Variants in UBA6 observed in about 807,000 individuals in gnomAD.
The protein encoded by UBA6 is ubiquitin like modifier activating enzyme 6, also known as ubiquitin-like modifier-activating enzyme 6.
UBA6 carries 87 observed loss-of-function variants against 148.3 expected under a neutral mutation model. The ratio of observed to expected loss-of-function variants is 0.59; its 90% CI spans 0.49 to 0.70. The LOEUF is 0.70. Ranked by LOEUF, UBA6 falls within the 30% of genes least tolerant of loss-of-function variation. The pLI is 0.00. For synonymous variants in UBA6, 376 were observed against 401.0 expected (o/e 0.94, Z 0.75); for missense variants, 1,186 against 1,241.2 (o/e 0.96, Z 0.67).
intron 13 of UBA6, among the ~76,000 whole-genome samples, chr4:67,657,579 G>C (rs1023815167): frequency 6.6e-6 from 1 of 152,108 alleles, no homozygotes; most frequent in African/African-American, 2.4e-5. Flanking sequence ...AACCCTAGAA[G>C]AAAACCTAGG....
chr4:67,648,576 A>G (rs1219221889), intron 14 of UBA6, among the ~76,000 whole-genome samples: 1 of 152,090 alleles, frequency 6.6e-6, no homozygotes, highest in East Asian at 1.9e-4. Context: ...CCTTGTGCCA[A>G]TTATTTCTGC....
Position 67,670,474 on chromosome 4 carries a change from G to A in UBA6, c.665C>T (p.Thr222Met), listed in dbSNP as rs778733309. 14 of 1,567,356 alleles carry A rather than the reference G, an allele frequency of 8.9e-6. No individual in the cohort carries two copies. Among genetic ancestry groups the A allele is most frequent in the Non-Finnish European group, 9.6e-6 (11 of 1,140,810 alleles). The change falls in exon 8 of 33, where the codon ACG becomes ATG. Residue 222 changes from threonine (T) to methionine (M), a missense_variant. Coordinates refer to ENST00000322244, the MANE Select transcript of UBA6 (RefSeq NM_018227.6). ...AGTTCATTAATATAATCATACTTGC[G>A]TTATGTTTGAAATGAAAATTTCTTT... ...EPKEIFISNI[T>M]QANPGIVTCL...
At position 67,631,885 on chromosome 4, in the gene UBA6, G is replaced by C. The variant is rs1239038604; in HGVS notation, c.2166C>G (p.Phe722Leu). ...NHKALQLLHCFPLDIRLKDGS... is the reference protein window; with the variant it reads ...NHKALQLLHCLPLDIRLKDGS... ...CATCTTTTAATCGTATGTCCAGAGG[G>C]AAACAGTGAAGAAGCTGAAGAGCCT... The change falls in exon 24 of 33, where the codon TTC becomes TTG. Residue 722 changes from phenylalanine to leucine, a missense_variant. Coordinates refer to ENST00000322244, the MANE Select transcript of UBA6 (RefSeq NM_018227.6). The C allele has an allele frequency of 6.2e-7, 1 of 1,611,012 alleles. No homozygotes were observed. Among genetic ancestry groups the C allele is most frequent in the Admixed American group, 1.7e-5 (1 of 59,780 alleles).
rs77331359 is a variant in UBA6 at position 67,658,572 on chromosome 4, A to G, written c.1104+3617T>C. Reference sequence around the variant, plus strand: ...TGGAGGGTGGGAAGAGGGGGCGGAAATGACTAACAGGTACTAGGCTTAATA... The same window carrying G: ...TGGAGGGTGGGAAGAGGGGGCGGAAGTGACTAACAGGTACTAGGCTTAATA... On this transcript the variant is annotated intron_variant, in intron 13 of 32. Transcript: ENST00000322244. 3.3e-5 allele frequency among the ~76,000 whole-genome samples: 5 copies of G among 152,304 alleles called. No individual in the cohort carries two copies. In the East Asian group the frequency reaches 9.7e-4, roughly 29 times the overall value.
intron 28 of UBA6, 39 bp from the exon 29 acceptor site, chr4:67,625,226 G>A (rs1028598482): frequency 1.0e-5 from 15 of 1,498,578 alleles, no homozygotes; most frequent in Non-Finnish European, 1.3e-5. Context: ...TCCACAGCAA[G>A]CAGTAAAGAT....
At chr4:67,668,703 G>C in intron 8 of UBA6, 29 bp from the exon 9 acceptor site, 1 of 1,586,440 alleles carries the variant, frequency 6.3e-7, no homozygotes, top group Non-Finnish European at 8.6e-7. Flanking sequence ...TATTAAAAAA[G>C]AACTTCTTTT....
chr4:67,688,346 G>C (rs1484894855), intron 2 of UBA6, among the ~76,000 whole-genome samples: 1 of 152,084 alleles, frequency 6.6e-6, no homozygotes, highest in African/African-American at 2.4e-5. Flanking sequence ...GTGATCAGCA[G>C]ACTCACGCAC....
intron 7 of UBA6, among the ~76,000 whole-genome samples, chr4:67,671,451 T>TTA (rs1270215523): frequency 6.6e-6 from 1 of 151,844 alleles, no homozygotes; most frequent in Non-Finnish European, 1.5e-5. Context: ...TTTTTTTTTT[T>TTA]ACAAGACATA....
intron 11 of UBA6, 124 bp from the exon 12 acceptor site, chr4:67,663,339 TAACTC>T: frequency 1.7e-6 from 1 of 583,534 alleles, no homozygotes; most frequent in Non-Finnish European, 3.0e-6. Context: ...ATACTGTTAT[TAACTC>T]TATTTAACAA....
intron 22 of UBA6, 117 bp downstream of exon 22, chr4:67,634,125 A>AT: frequency 1.5e-6 from 1 of 656,124 alleles, no homozygotes; most frequent in East Asian, 3.0e-5. Context: ...GTATCATTTC[A>AT]TTTTTTATAT....
chr4:67,648,467 CAA>C (rs575104020), intron 14 of UBA6, among the ~76,000 whole-genome samples: 7 of 104,340 alleles, frequency 6.7e-5, no homozygotes, highest in Admixed American at 3.2e-4. Flanking sequence ...GACTCTGTCT[CAA>C]AAAAAAAAAA....
chr4:67,620,570 A>G (rs1460149238), intron 32 of UBA6, among the ~76,000 whole-genome samples: 3 of 152,198 alleles, frequency 2.0e-5, no homozygotes, highest in East Asian at 1.9e-4. Flanking sequence ...TCAAGGACAA[A>G]TAAGTAGGCC....
chr4:67,624,352 T>A, intron 29 of UBA6, 99 bp from the exon 30 acceptor site: 1 of 1,171,504 alleles, frequency 8.5e-7, no homozygotes, highest in Non-Finnish European at 1.2e-6. Context: ...CATTTCTCTG[T>A]GGATAGTAAA....
intron 7 of UBA6, among the ~76,000 whole-genome samples, chr4:67,672,048 CAA>C (rs759159509): frequency 1.3e-5 from 2 of 152,026 alleles, no homozygotes; most frequent in Non-Finnish European, 2.9e-5. Flanking sequence ...TCTCTCTTCC[CAA>C]CTCTTTTGTC....
intron 2 of UBA6, among the ~76,000 whole-genome samples, chr4:67,683,572 ATTTT>A (rs59333307): frequency 6.9e-6 from 1 of 145,046 alleles, no homozygotes. Flanking sequence ...TTTTTTTGCA[ATTTT>A]TTTTTTTTTT....
intron 2 of UBA6, among the ~76,000 whole-genome samples, chr4:67,692,291 G>A (rs954537526): frequency 1.3e-5 from 2 of 152,148 alleles, no homozygotes; most frequent in African/African-American, 2.4e-5. Context: ...ATATCTACCT[G>A]AATAGGTTTT....
chr4:67,695,644 C>A (rs918842258), intron 2 of UBA6, among the ~76,000 whole-genome samples: 1 of 152,164 alleles, frequency 6.6e-6, no homozygotes, highest in Non-Finnish European at 1.5e-5. Context: ...ATAGATAACC[C>A]TGTGCTACAC....
chr4:67,679,724 A>G (rs1459135359), intron 4 of UBA6, among the ~76,000 whole-genome samples: 1 of 152,176 alleles, frequency 6.6e-6, no homozygotes, highest in African/African-American at 2.4e-5. Flanking sequence ...ATAAAATCAC[A>G]GAAATAAATA....
chr4:67,691,308 C>T (rs771177517), intron 2 of UBA6, among the ~76,000 whole-genome samples: 2 of 152,138 alleles, frequency 1.3e-5, no homozygotes, highest in African/African-American at 2.4e-5. Flanking sequence ...CGTACACTTA[C>T]AGACCATAGA....
Sources: gnomAD v4.1 joint callset for allele counts (sites outside exome capture counted in the v4.1 genomes callset) on GRCh38, gnomAD v4.1.1 for gene constraint, MANE v1.5 for transcripts, NCBI Gene and HGNC (gene_info 2026-07-23, HGNC 2026-07-21) for gene names.